Variants in ZNF594 observed in about 807,000 individuals in gnomAD.
ZNF594 encodes the protein zinc finger protein 594, also known as zinc finger protein HZF18.
For synonymous variants in ZNF594, 336 were observed against 309.4 expected, an observed-to-expected ratio of 1.09 and a Z score of -0.90; for missense variants, 1,037 against 964.6, an observed-to-expected ratio of 1.08 and a Z score of -0.99.
chr17:5,175,540 AG>A (rs1366110396), downstream of ZNF594, among the ~76,000 whole-genome samples: 1 of 152,180 alleles, frequency 6.6e-6, no homozygotes, highest in African/African-American at 2.4e-5. Flanking sequence ...TCCAGTGACC[AG>A]GTGACTTTAA....
At chr17:5,191,368 A>G (rs565913464) in intron 1 of ZNF594, 2 of 152,344 alleles carry the variant, frequency 1.3e-5, no homozygotes, top group Admixed American at 6.5e-5. Flanking sequence ...GGCTTAGTCT[A>G]GCCTCCCCAG....
At position 5,183,727 on chromosome 17, in the gene ZNF594, T is replaced by G; in HGVS notation, c.530A>C (p.His177Pro). The part of the protein sequence containing the change: ...SSNLIIHQRI[H>P]TGKKPYICHE... ...ACATATATAAGGTTTCTTTCCTGTATGAATTCTCTGATGTATAATAAGATT... is the reference window on the plus strand; with the variant it reads ...ACATATATAAGGTTTCTTTCCTGTAGGAATTCTCTGATGTATAATAAGATT... Residue 177 changes from histidine (H) to proline (P), a missense_variant, in exon 2 of 2, where the codon CAT becomes CCT. Physicochemically the swap from His to Pro is moderately conservative, Grantham distance 77 (BLOSUM62 -2). Transcript: ENST00000575779. 1 of 1,611,192 alleles carries G rather than the reference T, an allele frequency of 6.2e-7. No homozygotes were observed. The highest frequency in any genetic ancestry group is 8.5e-7 in the Non-Finnish European group (1 of 1,179,210).
Position 5,181,743 on chromosome 17 carries a change from T to C in ZNF594, c.*90A>G, listed in dbSNP as rs1412059011. On this transcript the variant is annotated 3_prime_UTR_variant, in exon 2 of 2. Transcript: ENST00000575779. ...ACATTCATGAGGTTTCTCTCCAGTA[T>C]GAACACGATGGTGTTTAATAAGATC... 1.3e-6 allele frequency: 2 copies of C among 1,596,742 alleles called. No homozygotes were observed. Among genetic ancestry groups the C allele is most frequent in the East Asian group, 2.2e-5 (1 of 44,754 alleles).
chr17:5,180,844 A>G lies in ZNF594; in HGVS notation c.*989T>C. ...ATTTTCTCTGCTTTCCCACCTTCCC[A>G]TGGTTTTTTTCTAATAAAACTCATT... On this transcript the variant is annotated 3_prime_UTR_variant, in exon 2 of 2. Transcript: ENST00000575779. 2.4e-6 allele frequency: 1 copy of G among 419,946 alleles called. No homozygotes were observed. Among genetic ancestry groups the G allele is most frequent in the South Asian group, 2.2e-5 (1 of 45,838 alleles). 26.0% of individuals were successfully genotyped at this position (419,946 alleles called of 1,614,324 possible). A position where few individuals can be genotyped will look rare whatever the true frequency, so the allele number is the denominator to read the frequency against.
rs1356706763 is a variant in ZNF594 at position 5,183,817 on chromosome 17, C to A, written c.440G>T (p.Arg147Ile). The change falls in exon 2 of 2, where the codon AGA (arginine) becomes ATA (isoleucine). Residue 147 changes from arginine to isoleucine, a missense_variant. Physicochemically the swap from Arg to Ile is moderately conservative, Grantham distance 97 (BLOSUM62 -3). Coordinates refer to ENST00000575779, the MANE Select transcript of ZNF594 (RefSeq NM_032530.2). ...NRSSNLIIHQ[R>I]IHTGNKPYVC... is the part of the protein sequence containing the mutation. Reference sequence around the variant, plus strand: ...ATATGGCTTATTTCCTGTATGAATTCTCTGATGTATGATCAGGTTTGAACT... The same window carrying A: ...ATATGGCTTATTTCCTGTATGAATTATCTGATGTATGATCAGGTTTGAACT... 1.2e-6 allele frequency: 2 copies of A among 1,613,988 alleles called. No individual in the cohort carries two copies. Among genetic ancestry groups the A allele is most frequent in the East Asian group, 2.2e-5 (1 of 44,888 alleles).
chr17:5,185,593 C>G (rs1488206997), intron 1 of ZNF594, among the ~76,000 whole-genome samples: 1 of 152,126 alleles, frequency 6.6e-6, no homozygotes, highest in Non-Finnish European at 1.5e-5. Context: ...CCAACAGTCC[C>G]CCTAAGTCTC....
rs1393439742 is a variant in ZNF594, at chr17:5,181,404, T to C, written c.*429A>G. The C allele has an allele frequency of 4.6e-5, 74 of 1,613,064 alleles. No homozygotes were observed. Among genetic ancestry groups the C allele is most frequent in the Non-Finnish European group, 6.1e-5 (72 of 1,179,228 alleles). ...ACCACACTGATTACACCAATAAGCT[T>C]TCTCTTCTTGGTGAATTTTCTGCTC... On this transcript the variant is annotated 3_prime_UTR_variant, in exon 2 of 2. Coordinates refer to ENST00000575779, the MANE Select transcript of ZNF594 (RefSeq NM_032530.2).
At chr17:5,187,770 T>C (rs116621771) in intron 1 of ZNF594, among the ~76,000 whole-genome samples, 1,972 of 152,278 alleles carry the variant, frequency 0.013, 41 homozygotes, top group African/African-American at 0.044. Flanking sequence ...TTTAGAACAG[T>C]GCTTTGCATA....
In ZNF594 at chr17:5,182,584, T is replaced by G; in HGVS notation, c.1673A>C (p.Glu558Ala). The G allele has an allele frequency of 6.2e-7, 1 of 1,604,502 alleles. No homozygotes were observed. The highest frequency in any genetic ancestry group is 1.1e-5 in the South Asian group (1 of 91,030). The change falls in exon 2 of 2, where the codon GAG (glutamate) becomes GCG (alanine). Residue 558 changes from glutamate to alanine, a missense_variant. Glu to Ala is a moderately radical substitution (Grantham distance 107). Transcript: ENST00000575779. ...TFSQDEELRG[E>A]QKIHQEAKAY... ...TTTCGCTTCCTGGTGAATTTTCTGC[T>G]CTCCCCTAAGCTCCTCATCCTGGCT...
At position 5,183,158 on chromosome 17, in the gene ZNF594, G is replaced by A; in HGVS notation, c.1099C>T (p.Gln367Ter). Residue 367 changes from glutamine (Q) to a stop codon, truncating the protein, a stop_gained, in exon 2 of 2, where the codon CAG (glutamine) becomes TAG (stop). Transcript: ENST00000575779. LOFTEE classifies it low-confidence loss of function (END_TRUNC). ...GCTTTCTCTTCCTGGTGAATTCTCT[G>A]CTCTTCCCTAAGCTCCTCATCCTTG... ...FSKDEELREE[Q>*]RIHQEEKAYW... 1 of 1,614,114 alleles carries A rather than the reference G, an allele frequency of 6.2e-7. No homozygotes were observed. Among genetic ancestry groups the A allele is most frequent in the Non-Finnish European group, 8.5e-7 (1 of 1,180,012 alleles).
At position 5,184,135 on chromosome 17, in the gene ZNF594, T is replaced by C. The variant is rs766951721; in HGVS notation, c.122A>G (p.Glu41Gly). Residue 41 changes from glutamate to glycine, a missense_variant, in exon 2 of 2, where the codon GAG becomes GGG. Transcript: ENST00000575779. ...TACCCAGTGCTTCAATAATCTGTCC[T>C]CAGAATTACTGGTTTCAACTAACTC... ...ECELVETSNS[E>G]DRLLKHWVSP... 1.9e-6 allele frequency: 3 copies of C among 1,614,128 alleles called. No individual in the cohort carries two copies. The East Asian group carries it at 6.7e-5, about 36-fold the overall frequency.
Position 5,183,038 on chromosome 17 carries a change from T to C in ZNF594, c.1219A>G (p.Lys407Glu), listed in dbSNP as rs1356721743. 3 of 1,614,044 alleles carry C rather than the reference T, an allele frequency of 1.9e-6. No homozygotes were observed. Among genetic ancestry groups the C allele is most frequent in the Non-Finnish European group, 2.5e-6 (3 of 1,180,024 alleles). ...TGATTGAAAGTTTTCCCACATTCTT[T>C]ACATTCATATGGTTTCTCTCCTGTA... ...THTGEKPYECKECGKTFNQSS... is the reference protein window; with the variant it reads ...THTGEKPYECEECGKTFNQSS... Residue 407 changes from lysine (K) to glutamate (E), a missense_variant, in exon 2 of 2, where the codon AAA becomes GAA. Transcript: ENST00000575779.
In ZNF594 at chr17:5,183,427, C is replaced by A. The variant is rs893384433; in HGVS notation, c.830G>T (p.Ser277Ile). The change falls in exon 2 of 2, where the codon AGT (serine) becomes ATT (isoleucine). Residue 277 changes from serine (S) to isoleucine (I), a missense_variant. By Grantham distance (142) the Ser-to-Ile change is moderately radical (BLOSUM62 -2). Coordinates refer to ENST00000575779, the MANE Select transcript of ZNF594 (RefSeq NM_032530.2). ...ATGTGGGACAAGGTGTGAACTTTGA[C>A]TGAACATCTGTCCACAGTCATAACA... ...YECYDCGQMF[S>I]QSSHLVPHQR... The A allele has an allele frequency of 1.9e-6, 3 of 1,613,676 alleles. No individual in the cohort carries two copies. The African/African-American group carries it at 4.0e-5, about 22-fold the overall frequency.
chr17:5,188,126 A>T (rs943851394), intron 1 of ZNF594, among the ~76,000 whole-genome samples: 1 of 151,182 alleles, frequency 6.6e-6, no homozygotes, highest in Non-Finnish European at 1.5e-5. Context: ...TATTGGAGAG[A>T]ATTGGCTTTG....
Position 5,182,809 on chromosome 17 carries a change from G to C in ZNF594, c.1448C>G (p.Thr483Ser). Residue 483 changes from threonine to serine, a missense_variant, in exon 2 of 2, where the codon ACT becomes AGT. Transcript: ENST00000575779. ...SHLVTHQKIH[T>S]GEKPYQCTEC... ...AGTGCACTGATAGGGCTTCTCTCCA[G>C]TATGGATTTTCTGGTGTGTAACAAG... 4 of 1,614,044 alleles carry C rather than the reference G, an allele frequency of 2.5e-6. No individual in the cohort carries two copies. The highest frequency in any genetic ancestry group is 1.7e-5 in the Admixed American group (1 of 60,018).
At position 5,181,873 on chromosome 17, in the gene ZNF594, C is replaced by A; in HGVS notation, c.2384G>T (p.Gly795Val). ...AGGTCTGAGCTCTGATTGAGTTTTC[C>A]CACATTCTTTACATTCATATGGTTT... ...REKPYECKEC[G>V]KTQSELRPSE... Residue 795 changes from glycine to valine, a missense_variant, in exon 2 of 2, where the codon GGG becomes GTG. By Grantham distance (109) the Gly-to-Val change is moderately radical. Coordinates refer to ENST00000575779, the MANE Select transcript of ZNF594 (RefSeq NM_032530.2). The A allele has an allele frequency of 6.2e-7, 1 of 1,613,676 alleles. No homozygotes were observed. Among genetic ancestry groups the A allele is most frequent in the Non-Finnish European group, 8.5e-7 (1 of 1,179,912 alleles).
Position 5,184,041 on chromosome 17 carries a change from GA to G in ZNF594, c.215del (p.Ile72ThrfsTer43), listed in dbSNP as rs760598068. ...TCTCTCCCACAATGGCTTTCTGGGG[GA>G]TAATATGCATTTCCCTGATACCGCT... The part of the protein sequence containing the change: ...QESGIREMHI[I>X]PQKAIVGEIG... On this transcript the variant is annotated frameshift_variant, in exon 2 of 2. Transcript: ENST00000575779. LOFTEE classifies it low-confidence loss of function (END_TRUNC). 7 of 1,614,134 alleles carry G rather than the reference GA, an allele frequency of 4.3e-6. No individual in the cohort carries two copies. Among genetic ancestry groups the G allele is most frequent in the Middle Eastern group, 1.6e-4 (1 of 6,062 alleles).
At chr17:5,188,267 CTTTTT>C (rs71151844) in intron 1 of ZNF594, among the ~76,000 whole-genome samples, 5 of 134,752 alleles carry the variant, frequency 3.7e-5, no homozygotes, top group African/African-American at 1.4e-4. Context: ...AAAGGCTGCC[CTTTTT>C]TTTTTTTTTT....
Position 5,182,638 on chromosome 17 carries a change from C to A in ZNF594, c.1619G>T (p.Gly540Val). ...GGTTTTCTCACATTCAAGTTTCTCT[C>A]CAGTATGCAGGCTCTGATGTTTGAG... ...AFLKHQSLHT[G>V]EKLECEKTFS... Residue 540 changes from glycine to valine, a missense_variant, in exon 2 of 2, where the codon GGA (glycine) becomes GTA (valine). Gly to Val is a moderately radical substitution (Grantham distance 109). Transcript: ENST00000575779. 1 of 1,613,968 alleles carries A rather than the reference C, an allele frequency of 6.2e-7. No individual in the cohort carries two copies. Among genetic ancestry groups the A allele is most frequent in the Non-Finnish European group, 8.5e-7 (1 of 1,180,002 alleles).
Sources: allele counts gnomAD v4.1 joint callset (sites outside exome capture counted in the v4.1 genomes callset), GRCh38; gene constraint gnomAD v4.1.1; transcripts MANE v1.5; gene names NCBI Gene and HGNC (gene_info 2026-07-23, HGNC 2026-07-21).